Variants in RXFP1 observed in about 807,000 individuals in gnomAD.
RXFP1 encodes relaxin receptor 1.
In RXFP1, 73 loss-of-function variants were observed where a neutral mutation model predicts 89.8. That is an observed-to-expected ratio of 0.81 (90% CI 0.67 to 0.99). The LOEUF (loss-of-function observed/expected upper bound fraction) is 0.99. Among genes scored for constraint, RXFP1 ranks in the 50% least tolerant of loss-of-function variants. RXFP1 has a pLI of 0.00. For synonymous variants in RXFP1, 277 were observed against 305.5 expected (o/e 0.91, Z 0.97); for missense variants, 793 against 895.5 (o/e 0.89, Z 1.46).
At chr4:158,585,600 A>C (rs1352841655) in intron 2 of RXFP1, among the ~76,000 whole-genome samples, 2 of 152,140 alleles carry the variant, frequency 1.3e-5, no homozygotes, top group African/African-American at 2.4e-5. Flanking sequence ...TACTTTAAAC[A>C]CTTTATGAGG....
chr4:158,650,410 T>C (rs901554536), intron 17 of RXFP1, among the ~76,000 whole-genome samples: 2 of 147,526 alleles, frequency 1.4e-5, no homozygotes, highest in Non-Finnish European at 1.5e-5. Context: ...TGAAAATGCA[T>C]ATATCCTGTT....
chr4:158,574,986 G>A (rs1274857956), intron 2 of RXFP1, among the ~76,000 whole-genome samples: 2 of 152,036 alleles, frequency 1.3e-5, no homozygotes, highest in African/African-American at 2.4e-5. Context: ...GTTCCCCGTC[G>A]ACCTGCTGGC....
At chr4:158,567,743 A>G (rs139859395) in intron 1 of RXFP1, among the ~76,000 whole-genome samples, 2 of 152,276 alleles carry the variant, frequency 1.3e-5, no homozygotes, top group African/African-American at 4.8e-5. Flanking sequence ...AAACACACCA[A>G]TCAGCACCCT....
chr4:158,521,914 C>A lies in RXFP1; in HGVS notation c.-63C>A. Reference sequence around the variant, plus strand: ...GCACACAACCACTGTGAGCTGTATGCGATTCAGAAACCAAGACCAAATTTT... The same window carrying A: ...GCACACAACCACTGTGAGCTGTATGAGATTCAGAAACCAAGACCAAATTTT... On this transcript the variant is annotated 5_prime_UTR_variant, in exon 1 of 18. Transcript: ENST00000307765. The A allele has an allele frequency of 9.2e-7, 1 of 1,084,012 alleles. No homozygotes were observed. Among genetic ancestry groups the A allele is most frequent in the Non-Finnish European group, 1.4e-6 (1 of 707,168 alleles). 67.1% of individuals were successfully genotyped at this position (1,084,012 alleles called of 1,614,324 possible).
At position 158,644,904 on chromosome 4, in the gene RXFP1, A is replaced by G; in HGVS notation, c.1116-5A>G. 1 of 1,593,850 alleles carries G rather than the reference A, an allele frequency of 6.3e-7. No homozygotes were observed. The highest frequency in any genetic ancestry group is 8.6e-7 in the Non-Finnish European group (1 of 1,162,234). ...ATCTTATTTTACTTTCTCTTTGTAC[A>G]CCAGATATTTTAAGAAATTCCAGTA... On this transcript the variant is annotated splice_region_variant and splice_polypyrimidine_tract_variant and intron_variant, in intron 14 of 17. Transcript: ENST00000307765.
intron 1 of RXFP1, among the ~76,000 whole-genome samples, chr4:158,540,050 A>T (rs1037510928): frequency 1.3e-5 from 2 of 152,214 alleles, no homozygotes; most frequent in Non-Finnish European, 2.9e-5. Context: ...CTCATACCAA[A>T]CAACCTGGCA....
At chr4:158,569,885 A>T (rs1322948591) in intron 1 of RXFP1, among the ~76,000 whole-genome samples, 2 of 152,156 alleles carry the variant, frequency 1.3e-5, no homozygotes, top group Non-Finnish European at 1.5e-5. Context: ...TAATTAATTG[A>T]TTGTTAGTGT....
At chr4:158,569,591 C>T (rs1344297598) in intron 1 of RXFP1, among the ~76,000 whole-genome samples, 1 of 152,268 alleles carries the variant, frequency 6.6e-6, no homozygotes, top group Non-Finnish European at 1.5e-5. Flanking sequence ...ATAAGGTCTA[C>T]TTTTTAAAAT....
intron 1 of RXFP1, among the ~76,000 whole-genome samples, chr4:158,540,263 T>C (rs570330946): frequency 4.6e-5 from 7 of 152,158 alleles, no homozygotes; most frequent in Non-Finnish European, 1.0e-4. Flanking sequence ...CTTGATTCTA[T>C]GCTAGACAAA....
chr4:158,646,046 G>A (rs1185995760), intron 15 of RXFP1, among the ~76,000 whole-genome samples: 1 of 152,142 alleles, frequency 6.6e-6, no homozygotes, highest in Admixed American at 6.6e-5. Context: ...TAGGGATTTT[G>A]TGTAGAATGC....
chr4:158,560,294 C>CCAAT (rs1752165473), intron 1 of RXFP1, among the ~76,000 whole-genome samples: 1 of 152,088 alleles, frequency 6.6e-6, no homozygotes, highest in Admixed American at 6.6e-5. Context: ...GATTTTTTTC[C>CCAAT]CAATCAGCCC....
At chr4:158,646,434 A>C (rs1173060899) in intron 15 of RXFP1, 1 of 1,209,934 alleles carries the variant, frequency 8.3e-7, no homozygotes, top group African/African-American at 1.6e-5. Flanking sequence ...TGCCATCCTC[A>C]TCTGAGTCCC....
intron 1 of RXFP1, among the ~76,000 whole-genome samples, chr4:158,541,992 T>C (rs951441407): frequency 1.4e-5 from 2 of 147,696 alleles, no homozygotes; most frequent in Non-Finnish European, 3.0e-5. Flanking sequence ...CGAGCTCAGC[T>C]CACCGCAACC....
chr4:158,585,509 G>A (rs753543842), intron 2 of RXFP1, among the ~76,000 whole-genome samples: 2 of 151,972 alleles, frequency 1.3e-5, no homozygotes, highest in African/African-American at 2.4e-5. Flanking sequence ...AATTCAAATT[G>A]GTATGCCTCA....
At chr4:158,546,635 A>T (rs572588353) in intron 1 of RXFP1, among the ~76,000 whole-genome samples, 1 of 152,090 alleles carries the variant, frequency 6.6e-6, no homozygotes, top group African/African-American at 2.4e-5. Flanking sequence ...ATCGATACCT[A>T]ATTTATTGAG....
intron 1 of RXFP1, among the ~76,000 whole-genome samples, chr4:158,533,774 C>T (rs1744631647): frequency 6.6e-6 from 1 of 152,026 alleles, no homozygotes; most frequent in Non-Finnish European, 1.5e-5. Flanking sequence ...ATTCTGTTGC[C>T]CACAATGGTT....
At chr4:158,585,084 T>C (rs1161788244) in intron 2 of RXFP1, among the ~76,000 whole-genome samples, 1 of 152,238 alleles carries the variant, frequency 6.6e-6, no homozygotes, top group Non-Finnish European at 1.5e-5. Context: ...TGGTCCCAGA[T>C]ATACACTTTT....
intron 16 of RXFP1, among the ~76,000 whole-genome samples, chr4:158,648,008 C>T (rs1239502803): frequency 4.6e-5 from 3 of 65,106 alleles, no homozygotes; most frequent in Non-Finnish European, 1.1e-4. Flanking sequence ...CAGCGAGACT[C>T]CATCTCAAAA....
At chr4:158,632,435 T>C (rs1188442293) in intron 11 of RXFP1, among the ~76,000 whole-genome samples, 1 of 152,194 alleles carries the variant, frequency 6.6e-6, no homozygotes, top group African/African-American at 2.4e-5. Context: ...TGGAGATGAA[T>C]AGAAGAAAAG....
Sources: allele counts gnomAD v4.1 joint callset (sites outside exome capture counted in the v4.1 genomes callset), GRCh38; gene constraint gnomAD v4.1.1; transcripts MANE v1.5; gene names NCBI Gene and HGNC (gene_info 2026-07-23, HGNC 2026-07-21).